Variants in AOAH observed in about 807,000 individuals in gnomAD.
The protein encoded by AOAH is acyloxyacyl hydrolase, also known as acyloxyacyl hydrolase (neutrophil).
In AOAH, 64 loss-of-function variants were observed where a neutral mutation model predicts 92.2. The observed-to-expected ratio is 0.69, with a 90% CI of 0.57 to 0.86. AOAH has a LOEUF of 0.86. Among genes scored for constraint, AOAH ranks in the 40% least tolerant of loss-of-function variants. AOAH has a pLI of 0.00. For missense variants in AOAH, 656 were observed against 694.6 expected (o/e 0.94, Z 0.62); for synonymous variants, 263 against 254.5 (o/e 1.03, Z -0.32).
At chr7:36,698,294 C>A (rs1322811699) in intron 1 of AOAH, among the ~76,000 whole-genome samples, 1 of 151,956 alleles carries the variant, frequency 6.6e-6, no homozygotes, top group Non-Finnish European at 1.5e-5. Context: ...TTGTTTTATT[C>A]TTGATTTTGA....
At chr7:36,560,919 C>G (rs1054547807) in intron 13 of AOAH, among the ~76,000 whole-genome samples, 96 of 152,150 alleles carry the variant, frequency 6.3e-4, no homozygotes, top group Non-Finnish European at 7.4e-4. Flanking sequence ...CCTACTCCAT[C>G]CATTTCTTGA....
At position 36,548,654 on chromosome 7, in the gene AOAH, G is replaced by A. The variant is rs1562557378; in HGVS notation, c.1091C>T (p.Ala364Val). The A allele has an allele frequency of 6.2e-7, 1 of 1,613,744 alleles. No individual in the cohort carries two copies. The highest frequency in any genetic ancestry group is 2.2e-5 in the East Asian group (1 of 44,860). Residue 364 changes from alanine (A) to valine (V), a missense_variant, in exon 15 of 21, where the codon GCC becomes GTC. Physicochemically the swap from Ala to Val is moderately conservative, Grantham distance 64. Coordinates refer to ENST00000617537, the MANE Select transcript of AOAH (RefSeq NM_001637.4). ...LSRNKVLDYPAIVIYAMIGND... is the reference protein window; with the variant it reads ...LSRNKVLDYPVIVIYAMIGND... Reference sequence around the variant, plus strand: ...TCCAATCATGGCATATATAACGATGGCGGGATAGTCCAACACCTTGTTTCT... The same window carrying A: ...TCCAATCATGGCATATATAACGATGACGGGATAGTCCAACACCTTGTTTCT...
At chr7:36,514,266 G>A (rs1305987553) in intron 20 of AOAH, among the ~76,000 whole-genome samples, 1 of 151,678 alleles carries the variant, frequency 6.6e-6, no homozygotes, top group African/African-American at 2.4e-5. Flanking sequence ...GACACGGCGT[G>A]TGCAAAGGCT....
At chr7:36,568,980 G>C (rs1454613679) in intron 13 of AOAH, among the ~76,000 whole-genome samples, 1 of 152,182 alleles carries the variant, frequency 6.6e-6, no homozygotes, top group African/African-American at 2.4e-5. Context: ...ACAAGGGGAT[G>C]GGAGGAGGGG....
chr7:36,524,795 G>A (rs558726238), intron 19 of AOAH, among the ~76,000 whole-genome samples: 11 of 151,970 alleles, frequency 7.2e-5, no homozygotes, highest in African/African-American at 2.2e-4. Flanking sequence ...TCGGCAACAC[G>A]GAAGGGGACC....
intron 3 of AOAH, among the ~76,000 whole-genome samples, chr7:36,664,589 C>G (rs1192635552): frequency 3.9e-5 from 6 of 152,092 alleles, no homozygotes; most frequent in African/African-American, 1.2e-4. Context: ...ATTGTGTCGA[C>G]CATTCTTGAT....
chr7:36,515,013 C>T (rs1022440534), intron 20 of AOAH, among the ~76,000 whole-genome samples: 34 of 151,822 alleles, frequency 2.2e-4, no homozygotes. Context: ...CATCCCGCTG[C>T]GTAATCTCGG....
intron 13 of AOAH, among the ~76,000 whole-genome samples, chr7:36,573,538 T>C (rs144270382): frequency 2.6e-5 from 4 of 152,060 alleles, no homozygotes; most frequent in African/African-American, 9.7e-5. Context: ...GCCAACATGG[T>C]GAAACCCTGT....
chr7:36,691,957 G>A (rs1410272356), intron 1 of AOAH, among the ~76,000 whole-genome samples: 3 of 152,172 alleles, frequency 2.0e-5, no homozygotes, highest in African/African-American at 7.2e-5. Flanking sequence ...AGATCACCTA[G>A]ATCATTCCAG....
intron 1 of AOAH, among the ~76,000 whole-genome samples, chr7:36,701,011 G>T (rs1212742028): frequency 6.6e-6 from 1 of 151,968 alleles, no homozygotes; most frequent in East Asian, 1.9e-4. Context: ...CATGTCCTTT[G>T]CCCACTTTTT....
chr7:36,671,533 G>T (rs1451795372), intron 3 of AOAH, among the ~76,000 whole-genome samples: 2 of 152,110 alleles, frequency 1.3e-5, no homozygotes, highest in African/African-American at 4.8e-5. Context: ...GCTTGCACAG[G>T]GTATTAGGAA....
Position 36,632,039 on chromosome 7 carries a change from T to C in AOAH, c.518A>G (p.Lys173Arg). 1 of 1,611,424 alleles carries C rather than the reference T, an allele frequency of 6.2e-7. No homozygotes were observed. Among genetic ancestry groups the C allele is most frequent in the Non-Finnish European group, 8.5e-7 (1 of 1,178,346 alleles). ...AAGGTAGAAATTGTATACATACAATTTAATTTTCTGGCAGATCTTGGCCAA... is the reference window on the plus strand; with the variant it reads ...AAGGTAGAAATTGTATACATACAATCTAATTTTCTGGCAGATCTTGGCCAA... ...PVLAKICQKI[K>R]LAMEQSVPFK... Residue 173 changes from lysine (K) to arginine (R), a missense_variant, in exon 6 of 21, where the codon AAA becomes AGA. Coordinates refer to ENST00000617537, the MANE Select transcript of AOAH (RefSeq NM_001637.4).
intron 4 of AOAH, among the ~76,000 whole-genome samples, chr7:36,642,736 AG>A (rs1430205090): frequency 6.6e-6 from 1 of 152,192 alleles, no homozygotes; most frequent in East Asian, 1.9e-4. Context: ...CCCAAGGAAA[AG>A]AAAGAAAGTA....
At position 36,665,126 on chromosome 7, in the gene AOAH, T is replaced by C. The variant is rs117894319; in HGVS notation, c.291-5861A>G. Among the ~76,000 whole-genome samples, 61 of 152,286 alleles carry C rather than the reference T, an allele frequency of 4.0e-4. 1 individual carries two copies. In the East Asian group the frequency reaches 0.01, roughly 26 times the overall value. ...CCAAACAATATCACTACAGATCCAA[T>C]TGGGAAGAAGTGACATCTTGACAGT... On this transcript the variant is annotated intron_variant, in intron 3 of 20. Transcript: ENST00000617537.
At position 36,614,532 on chromosome 7, in the gene AOAH, G is replaced by A. The variant is rs1004036337; in HGVS notation, c.846+1848C>T. Among the ~76,000 whole-genome samples the A allele has an allele frequency of 2.0e-5, 3 of 152,160 alleles. No homozygotes were observed. Among genetic ancestry groups the A allele is most frequent in the Non-Finnish European group, 2.9e-5 (2 of 68,028 alleles). On this transcript the variant is annotated intron_variant, in intron 11 of 20. Coordinates refer to ENST00000617537, the MANE Select transcript of AOAH (RefSeq NM_001637.4). This position sits in a 1 kb window ranked among gnomAD's most constrained non-coding sequence, Gnocchi z 4.2. The stretch of plus-strand genomic sequence containing the variant: ...GGAAACGGGGTCGACTCTGGATCCT[G>A]TCTCCTGCCACCTCTCAAGATGGGT...
chr7:36,702,479 T>G (rs1045655998), intron 1 of AOAH, among the ~76,000 whole-genome samples: 8 of 152,176 alleles, frequency 5.3e-5, no homozygotes, highest in Non-Finnish European at 7.3e-5. Flanking sequence ...GCATTTTAAG[T>G]ATGGGTATAT....
chr7:36,696,827 T>C (rs1466181600), intron 1 of AOAH, among the ~76,000 whole-genome samples: 1 of 151,752 alleles, frequency 6.6e-6, no homozygotes, highest in Admixed American at 6.6e-5. Context: ...ATCATGCCAC[T>C]GTACTCCAGC....
rs144029366 is a variant in AOAH at position 36,514,706 on chromosome 7, G to A, written c.1600-1326C>T. On this transcript the variant is annotated intron_variant, in intron 20 of 20. Transcript: ENST00000617537. ...GCAATGAGAAATGTGATTGCTGAAG[G>A]CCTGCCAGAGGGGAATACATTGTTC... The A allele has an allele frequency of 2.2e-3, 1,574 of 723,474 alleles. 18 individuals are homozygous for A. In the African/African-American group the frequency reaches 0.024, roughly 11 times the overall value. The allele number at this position is 723,474 out of a possible 1,614,324, so 44.8% of individuals were successfully genotyped here.
At chr7:36,705,755 A>C (rs1798362113) in intron 1 of AOAH, among the ~76,000 whole-genome samples, 1 of 152,116 alleles carries the variant, frequency 6.6e-6, no homozygotes. Context: ...CTATAGGGCT[A>C]CAGTAACCAA....
Sources: gnomAD v4.1 joint callset for allele counts (sites outside exome capture counted in the v4.1 genomes callset) on GRCh38, gnomAD v4.1.1 for gene constraint, Gnocchi (gnomAD v3.1) non-coding constraint, MANE v1.5 for transcripts, NCBI Gene and HGNC (gene_info 2026-07-23, HGNC 2026-07-21) for gene names.